The following RBFOX3 variants were observed in gnomAD, a reference collection of about 807,000 sequenced individuals.
RBFOX3 encodes RNA binding fox-1 homolog 3, also known as RNA binding protein fox-1 homolog 3.
A neutral mutation model predicts 48.7 loss-of-function variants in RBFOX3; 17 were observed. That is an observed-to-expected ratio of 0.35 (90% CI 0.24 to 0.52). The LOEUF (loss-of-function observed/expected upper bound fraction) is 0.52, where lower values mean the gene tolerates loss of function less well. Among genes scored for constraint, RBFOX3 ranks in the 20% least tolerant of loss-of-function variants. RBFOX3 has a pLI of 0.94. For missense variants in RBFOX3, 382 were observed against 497.5 expected (o/e 0.77, Z 2.21); for synonymous variants, 212 against 209.5 (o/e 1.01, Z -0.10).
intron 2 of RBFOX3, among the ~76,000 whole-genome samples, chr17:79,409,307 C>A (rs1474766468): frequency 6.6e-6 from 1 of 152,204 alleles, no homozygotes; most frequent in African/African-American, 2.4e-5. Flanking sequence ...CTCCTACAAA[C>A]GTGTGCACAC....
At chr17:79,225,453 G>A (rs558341753) in intron 4 of RBFOX3, among the ~76,000 whole-genome samples, 6 of 152,072 alleles carry the variant, frequency 3.9e-5, no homozygotes, top group Non-Finnish European at 8.8e-5. Context: ...AACACACCTG[G>A]CTAATTTTAG....
At chr17:79,467,911 T>C (rs2076529053) in intron 2 of RBFOX3, among the ~76,000 whole-genome samples, 1 of 152,052 alleles carries the variant, frequency 6.6e-6, no homozygotes. Context: ...GATTTCTCTG[T>C]GGCTCCTGAG....
At chr17:79,606,809 G>C (rs1467980035) in intron 1 of RBFOX3, among the ~76,000 whole-genome samples, 1 of 152,114 alleles carries the variant, frequency 6.6e-6, no homozygotes, top group Non-Finnish European at 1.5e-5. Context: ...ACCAAGAGCC[G>C]TCCTCAACCC....
chr17:79,132,902 G>A, intron 4 of RBFOX3: 1 of 152,456 alleles, frequency 6.6e-6, no homozygotes, highest in East Asian at 1.9e-4. Flanking sequence ...CCTGGACGGG[G>A]CGTGCGGGCC....
At chr17:79,388,180 CCA>C (rs2060844926) in intron 2 of RBFOX3, among the ~76,000 whole-genome samples, 1 of 152,196 alleles carries the variant, frequency 6.6e-6, no homozygotes, top group African/African-American at 2.4e-5. Flanking sequence ...AGCTCTCTGA[CCA>C]CACAGACTGG....
At chr17:79,101,793 C>A in intron 8 of RBFOX3, 149 bp from the exon 9 acceptor site, 1 of 765,780 alleles carries the variant, frequency 1.3e-6, no homozygotes, top group African/African-American at 1.7e-5. Context: ...CTCCGGGAGC[C>A]TTGGCCCCCA....
At chr17:79,376,612 C>A (rs1417454786) in intron 2 of RBFOX3, among the ~76,000 whole-genome samples, 1 of 152,198 alleles carries the variant, frequency 6.6e-6, no homozygotes. Context: ...CCGGCCCAGC[C>A]CACTGCGTGT....
At chr17:79,620,038 T>C in the RBFOX3 span, among the ~76,000 whole-genome samples, 1 of 134,944 alleles carries the variant, frequency 7.4e-6, no homozygotes, top group African/African-American at 2.8e-5. Context: ...CACATGCATA[T>C]GCACACACGC....
chr17:79,408,373 C>T (rs2063828640), intron 2 of RBFOX3, among the ~76,000 whole-genome samples: 1 of 152,138 alleles, frequency 6.6e-6, no homozygotes. Context: ...GAGGTGAGTC[C>T]ACGGGGCAGA....
the RBFOX3 span, among the ~76,000 whole-genome samples, chr17:79,650,207 T>C: frequency 6.6e-6 from 1 of 152,110 alleles, no homozygotes; most frequent in Non-Finnish European, 1.5e-5. Flanking sequence ...CTGGGGGGAT[T>C]CGATTTTTCC....
chr17:79,244,027 G>A (rs191634802), intron 3 of RBFOX3, among the ~76,000 whole-genome samples: 5 of 152,262 alleles, frequency 3.3e-5, no homozygotes, highest in East Asian at 3.9e-4. Flanking sequence ...AGACACCCTC[G>A]GCCTTCCACA....
At chr17:79,452,420 G>A (rs991988591) in intron 2 of RBFOX3, among the ~76,000 whole-genome samples, 4 of 152,202 alleles carry the variant, frequency 2.6e-5, no homozygotes, top group Admixed American at 6.5e-5. Flanking sequence ...AGTCACTGAC[G>A]CTCCACTGTC....
chr17:79,170,138 G>A (rs1048981835), intron 4 of RBFOX3, among the ~76,000 whole-genome samples: 3 of 121,252 alleles, frequency 2.5e-5, no homozygotes, highest in East Asian at 4.3e-4. Flanking sequence ...AAGGAGGAAG[G>A]AGGGAAGGAA....
intron 4 of RBFOX3, among the ~76,000 whole-genome samples, chr17:79,118,802 C>T (rs1286114683): frequency 1.7e-5 from 2 of 118,712 alleles, no homozygotes; most frequent in Non-Finnish European, 3.6e-5. Flanking sequence ...GTGAAACCCT[C>T]TCTACAAAAA....
intron 1 of RBFOX3, among the ~76,000 whole-genome samples, chr17:79,606,177 G>A (rs1024284521): frequency 3.5e-4 from 53 of 152,270 alleles, no homozygotes; most frequent in African/African-American, 1.3e-3. Context: ...GGACGCCTGG[G>A]CCTGACCAGA....
intron 2 of RBFOX3, among the ~76,000 whole-genome samples, chr17:79,427,670 C>T (rs973671581): frequency 7.9e-5 from 12 of 152,342 alleles, no homozygotes; most frequent in African/African-American, 2.2e-4. Flanking sequence ...AAGAAGGATC[C>T]TGTTGGGGAA....
intron 3 of RBFOX3, among the ~76,000 whole-genome samples, chr17:79,294,202 A>G (rs2145034800): frequency 6.6e-6 from 1 of 152,308 alleles, no homozygotes; most frequent in East Asian, 1.9e-4. Flanking sequence ...TGCACTTAAG[A>G]TCCCTCAGCA....
At chr17:79,131,378 G>A (rs999537775) in intron 4 of RBFOX3, among the ~76,000 whole-genome samples, 2 of 152,220 alleles carry the variant, frequency 1.3e-5, no homozygotes, top group African/African-American at 2.4e-5. Context: ...CAAGCCCCTC[G>A]TCTACCTTCA....
intron 2 of RBFOX3, among the ~76,000 whole-genome samples, chr17:79,456,060 G>A (rs2074429841): frequency 6.6e-6 from 1 of 151,342 alleles, no homozygotes; most frequent in Non-Finnish European, 1.5e-5. Flanking sequence ...TAAGGACATT[G>A]TACTGACCAG....
Sources: allele counts gnomAD v4.1 joint callset (sites outside exome capture counted in the v4.1 genomes callset), GRCh38; gene constraint gnomAD v4.1.1; transcripts MANE v1.5; gene names NCBI Gene and HGNC (gene_info 2026-07-23, HGNC 2026-07-21).